SND1: variants seen among roughly 807,000 people sequenced by gnomAD.
SND1 encodes the protein staphylococcal nuclease and tudor domain containing 1, also known as staphylococcal nuclease domain-containing protein 1.
Under a neutral mutation model 121.7 loss-of-function variants are expected in SND1, and 38 were observed. That is an observed-to-expected ratio of 0.31 (90% CI 0.24 to 0.41). The LOEUF (loss-of-function observed/expected upper bound fraction) is 0.41, where lower values mean the gene tolerates loss of function less well. Among genes scored for constraint, SND1 ranks in the 10% least tolerant of loss-of-function variants. The pLI is 1.00. For synonymous variants in SND1, 401 were observed against 447.4 expected, an observed-to-expected ratio of 0.90 and a Z score of 1.31; for missense variants, 868 against 1,184.6, an observed-to-expected ratio of 0.73 and a Z score of 3.92.
chr7:127,843,795 A>G (rs192559219), intron 11 of SND1, among the ~76,000 whole-genome samples: 240 of 152,368 alleles, frequency 1.6e-3, no homozygotes, highest in African/African-American at 4.8e-3. Context: ...GTTCAGTTCT[A>G]TAAGAAATGA....
intron 16 of SND1, chr7:128,030,434 G>T (rs1415478376): frequency 7.4e-6 from 12 of 1,613,822 alleles, no homozygotes; most frequent in Non-Finnish European, 8.5e-6. Flanking sequence ...TACCCTGCGG[G>T]ACCTCGGAGA....
chr7:127,778,679 G>A (rs939079114), intron 10 of SND1, among the ~76,000 whole-genome samples: 2 of 152,124 alleles, frequency 1.3e-5, no homozygotes, highest in African/African-American at 4.8e-5. Flanking sequence ...CGGTAATATT[G>A]TTGAATTCTT....
intron 17 of SND1, among the ~76,000 whole-genome samples, chr7:128,078,262 GAACAGC>G (rs1793539348): frequency 6.6e-6 from 1 of 152,226 alleles, no homozygotes. Context: ...AAGTCCCAAG[GAACAGC>G]TGGTCACCTC....
chr7:127,751,878 T>G (rs1797103507), intron 10 of SND1, among the ~76,000 whole-genome samples: 2 of 152,308 alleles, frequency 1.3e-5, no homozygotes, highest in South Asian at 4.1e-4. Flanking sequence ...GAGCTCTTAG[T>G]GAGGATGAGG....
At chr7:128,071,849 A>G (rs1793417735) in intron 16 of SND1, among the ~76,000 whole-genome samples, 1 of 152,178 alleles carries the variant, frequency 6.6e-6, no homozygotes, top group African/African-American at 2.4e-5. Flanking sequence ...GCCATCTACA[A>G]CCCAGGATGG....
chr7:128,039,247 A>G (rs1792807144), intron 16 of SND1, among the ~76,000 whole-genome samples: 1 of 152,138 alleles, frequency 6.6e-6, no homozygotes, highest in Non-Finnish European at 1.5e-5. Context: ...TTTATTTTCC[A>G]TTATCTGAAA....
chr7:127,711,998 T>C (rs1796306676), intron 9 of SND1, among the ~76,000 whole-genome samples: 2 of 150,134 alleles, frequency 1.3e-5, no homozygotes, highest in Non-Finnish European at 2.9e-5. Context: ...TCTTCAAGCC[T>C]CTCCTCTCCC....
intron 16 of SND1, among the ~76,000 whole-genome samples, chr7:128,049,887 T>C (rs1320386910): frequency 2.0e-5 from 3 of 152,112 alleles, no homozygotes; most frequent in Non-Finnish European, 4.4e-5. Context: ...TCTGAGCTAA[T>C]GTCTTAGAAT....
intron 15 of SND1, among the ~76,000 whole-genome samples, chr7:127,985,478 A>C (rs968376089): frequency 3.3e-5 from 5 of 152,108 alleles, no homozygotes; most frequent in African/African-American, 1.2e-4. Context: ...GGCTGGTCTC[A>C]AACTCCTGAC....
intron 16 of SND1, among the ~76,000 whole-genome samples, chr7:128,038,549 T>C (rs181081637): frequency 6.6e-6 from 1 of 152,376 alleles, no homozygotes; most frequent in East Asian, 1.9e-4. Flanking sequence ...AGAGGCTGTC[T>C]TGTTCAAAGT....
chr7:127,774,822 GC>G (rs1281773311), intron 10 of SND1, among the ~76,000 whole-genome samples: 4 of 152,072 alleles, frequency 2.6e-5, no homozygotes, highest in African/African-American at 9.7e-5. Context: ...CAGGTGATCT[GC>G]CCACCTCGGC....
chr7:127,780,109 A>G (rs904813481), intron 10 of SND1, among the ~76,000 whole-genome samples: 4 of 152,168 alleles, frequency 2.6e-5, no homozygotes, highest in African/African-American at 9.7e-5. Context: ...ACTTGTTTTG[A>G]GTGGATGAAG....
chr7:127,786,670 GTTT>G (rs1797817669), intron 10 of SND1, among the ~76,000 whole-genome samples: 1 of 152,094 alleles, frequency 6.6e-6, no homozygotes, highest in African/African-American at 2.4e-5. Context: ...TTGAGACGGA[GTTT>G]CGCTCTGTCG....
intron 1 of SND1, among the ~76,000 whole-genome samples, chr7:127,666,714 C>A (rs1210228367): frequency 6.6e-6 from 1 of 152,112 alleles, no homozygotes; most frequent in Non-Finnish European, 1.5e-5. Flanking sequence ...ACAGTACTTG[C>A]AGTGCCGGGA....
chr7:128,029,215 C>T lies in SND1; in HGVS notation c.1779+38159C>T. The T allele has an allele frequency of 6.2e-7, 1 of 1,614,116 alleles. No individual in the cohort carries two copies. The highest frequency in any genetic ancestry group is 1.1e-5 in the South Asian group (1 of 91,074). ...TGGTAACCAGTGGACGTGGTAGGAACAGGCTTGTACTTTCGCGTTGTGTCC... is the reference window on the plus strand; with the variant it reads ...TGGTAACCAGTGGACGTGGTAGGAATAGGCTTGTACTTTCGCGTTGTGTCC... On this transcript the variant is annotated intron_variant, in intron 16 of 23. Coordinates refer to ENST00000354725, the MANE Select transcript of SND1 (RefSeq NM_014390.4). The surrounding 1 kb of genome is among the most constrained non-coding windows in gnomAD (Gnocchi z 4.2).
chr7:127,717,180 G>T (rs1009743630), intron 9 of SND1, among the ~76,000 whole-genome samples: 3 of 151,992 alleles, frequency 2.0e-5, no homozygotes, highest in African/African-American at 7.3e-5. Context: ...AATATTTTAC[G>T]GGAGTATTGT....
At chr7:128,002,182 CCAGT>C (rs1209354733) in intron 16 of SND1, among the ~76,000 whole-genome samples, 1 of 152,230 alleles carries the variant, frequency 6.6e-6, no homozygotes, top group Non-Finnish European at 1.5e-5. Flanking sequence ...GCAGACATTG[CCAGT>C]CAGTCACCGC....
intron 15 of SND1, among the ~76,000 whole-genome samples, chr7:127,933,803 T>C (rs1182685387): frequency 1.3e-5 from 2 of 152,210 alleles, no homozygotes. Flanking sequence ...AATTGTGACC[T>C]ACCCATTACT....
chr7:128,048,109 G>A (rs1792983180), intron 16 of SND1, among the ~76,000 whole-genome samples: 1 of 152,140 alleles, frequency 6.6e-6, no homozygotes, highest in Non-Finnish European at 1.5e-5. Flanking sequence ...GCCTCCCAAA[G>A]TGCTGGGATT....
Sources: allele counts gnomAD v4.1 joint callset (sites outside exome capture counted in the v4.1 genomes callset), GRCh38; gene constraint gnomAD v4.1.1; non-coding constraint Gnocchi (gnomAD v3.1); transcripts MANE v1.5; gene names NCBI Gene and HGNC (gene_info 2026-07-23, HGNC 2026-07-21).